The following HERC2 variants were observed in gnomAD, a reference collection of about 807,000 sequenced individuals.
The protein encoded by HERC2 is E3 ubiquitin-protein ligase HERC2.
HERC2 carries 102 observed loss-of-function variants against 537.7 expected under a neutral mutation model. That is an observed-to-expected ratio of 0.19 (90% CI 0.16 to 0.22). The LOEUF is 0.22. HERC2 is among the 10% of genes least tolerant of loss of function. HERC2 has a pLI of 1.00. For missense variants in HERC2, 4,236 were observed against 6,198.2 expected (o/e 0.68, Z 10.63); for synonymous variants, 2,224 against 2,466.2 (o/e 0.90, Z 2.91).
chr15:28,179,104 C>T lies in HERC2; in HGVS notation c.9019+38G>A, dbSNP rs777967269. The T allele has an allele frequency of 6.2e-6, 10 of 1,600,098 alleles. No individual in the cohort carries two copies. In the South Asian group the frequency reaches 1.0e-4, roughly 16 times the overall value. ...AACTTTTTTGTTTTTTGGTGCCAAG[C>T]ATAATTTAAAAATTTTTTAAGATTA... is the stretch of plus-strand genomic sequence containing the variant. On this transcript the variant is annotated intron_variant, in intron 58 of 92. Coordinates refer to ENST00000261609, the MANE Select transcript of HERC2 (RefSeq NM_004667.6).
At chr15:28,255,175 A>C (rs2075216519) in intron 19 of HERC2, among the ~76,000 whole-genome samples, 1 of 152,156 alleles carries the variant, frequency 6.6e-6, no homozygotes, top group African/African-American at 2.4e-5. Flanking sequence ...GTCTCTACAA[A>C]AAAATCACAA....
At chr15:28,263,788 T>C (rs2075478484) in intron 14 of HERC2, among the ~76,000 whole-genome samples, 1 of 151,830 alleles carries the variant, frequency 6.6e-6, no homozygotes. Flanking sequence ...TCCCAGAACT[T>C]TGGGAGGCCA....
At chr15:28,197,766 G>A (rs1897490561) in intron 50 of HERC2, among the ~76,000 whole-genome samples, 1 of 152,142 alleles carries the variant, frequency 6.6e-6, no homozygotes, top group Non-Finnish European at 1.5e-5. Context: ...TGACAGTCAG[G>A]AGCTGGCCTG....
chr15:28,149,124 T>C (rs369217187), intron 70 of HERC2, among the ~76,000 whole-genome samples: 1 of 123,512 alleles, frequency 8.1e-6, no homozygotes, highest in African/African-American at 3.1e-5. Flanking sequence ...AATCTAGTAA[T>C]ATTACCAAAA....
At chr15:28,150,147 G>A (rs1390133886) in intron 70 of HERC2, among the ~76,000 whole-genome samples, 6 of 145,432 alleles carry the variant, frequency 4.1e-5, no homozygotes, top group Admixed American at 1.4e-4. Flanking sequence ...GAGAATAGCC[G>A]CACAAATGCA....
chr15:28,178,964 G>A lies in HERC2; in HGVS notation c.9086C>T (p.Ser3029Phe). The A allele has an allele frequency of 6.2e-7, 1 of 1,614,194 alleles. No homozygotes were observed. The highest frequency in any genetic ancestry group is 1.1e-5 in the South Asian group (1 of 91,080). ...ATNGRLGLGISSGTVPIPRQI... is the reference protein window; with the variant it reads ...ATNGRLGLGIFSGTVPIPRQI... Reference sequence around the variant, plus strand: ...CCGTGGGATGGGCACCGTCCCGCTGGAAATGCCCAGCCCCAGCCGGCCATT... The same window carrying A: ...CCGTGGGATGGGCACCGTCCCGCTGAAAATGCCCAGCCCCAGCCGGCCATT... Residue 3029 changes from serine to phenylalanine, a missense_variant, in exon 59 of 93, where the codon TCC (serine) becomes TTC (phenylalanine). Transcript: ENST00000261609.
chr15:28,253,156 T>A (rs2075138062), intron 20 of HERC2, among the ~76,000 whole-genome samples: 1 of 148,990 alleles, frequency 6.7e-6, no homozygotes, highest in African/African-American at 2.6e-5. Flanking sequence ...TTCGCTCTTC[T>A]TGGGTGATCA....
chr15:28,263,277 AG>A, intron 14 of HERC2, 108 bp from the exon 15 acceptor site: 1 of 1,226,882 alleles, frequency 8.2e-7, no homozygotes, highest in Non-Finnish European at 1.1e-6. Flanking sequence ...TAGACCACTC[AG>A]GTACATAGTT....
At position 28,111,429 on chromosome 15, in the gene HERC2, C is replaced by A. The variant is rs953560559; in HGVS notation, c.*334G>T. ...GGAGAAAGAAAAAAAATCGATTGCA[C>A]CCACAAGTAAAAAGGCTTTATTCAT... On this transcript the variant is annotated 3_prime_UTR_variant, in exon 93 of 93. Transcript: ENST00000261609. The A allele has an allele frequency of 9.9e-6, 3 of 303,470 alleles. No homozygotes were observed. The highest frequency in any genetic ancestry group is 1.2e-4 in the East Asian group (2 of 17,336). The allele number at this position is 303,470 out of a possible 1,614,324, so 18.8% of individuals were successfully genotyped here. A position where few individuals can be genotyped will look rare whatever the true frequency, so the allele number is the denominator to read the frequency against.
rs1417037148 is a variant in HERC2, at chr15:28,176,128, G to T, written c.9686+300C>A. Reference sequence around the variant, plus strand: ...ATCAAAGGATTCAGAAGGCTATTTTGCTCCATTTTATCCTTAGGCTTCAGC... The same window carrying T: ...ATCAAAGGATTCAGAAGGCTATTTTTCTCCATTTTATCCTTAGGCTTCAGC... On this transcript the variant is annotated intron_variant, in intron 63 of 92. Coordinates refer to ENST00000261609, the MANE Select transcript of HERC2 (RefSeq NM_004667.6). The surrounding 1 kb of genome is among the most constrained non-coding windows in gnomAD (Gnocchi z 5.0). 6.6e-6 allele frequency among the ~76,000 whole-genome samples: 1 copy of T among 152,150 alleles called. No individual in the cohort carries two copies. The highest frequency in any genetic ancestry group is 1.5e-5 in the Non-Finnish European group (1 of 68,018).
At chr15:28,152,362 T>C (rs1196781268) in intron 70 of HERC2, among the ~76,000 whole-genome samples, 1 of 152,224 alleles carries the variant, frequency 6.6e-6, no homozygotes, top group Non-Finnish European at 1.5e-5. Context: ...CAGGACAGCA[T>C]CACTCAGAGG....
chr15:28,163,239 A>G lies in HERC2; in HGVS notation c.10601T>C (p.Leu3534Ser), dbSNP rs763687040. 1 of 1,613,946 alleles carries G rather than the reference A, an allele frequency of 6.2e-7. No individual in the cohort carries two copies. The highest frequency in any genetic ancestry group is 8.5e-7 in the Non-Finnish European group (1 of 1,180,018). Reference sequence around the variant, plus strand: ...AATCAGCAGACTGGTGAACTCATCCAAGGCCTGAGGCTCCGGACCTGCTGC... The same window carrying G: ...AATCAGCAGACTGGTGAACTCATCCGAGGCCTGAGGCTCCGGACCTGCTGC... ...NKAAGPEPQA[L>S]DEFTSLLIAD... Residue 3534 changes from leucine (L) to serine (S), a missense_variant, in exon 69 of 93, where the codon TTG (leucine) becomes TCG (serine). By Grantham distance (145) the Leu-to-Ser change is moderately radical. Around this residue, in one of 27 missense-constraint regions of HERC2, gnomAD observed 356 missense variants for 450.9 expected, o/e 0.79. Transcript: ENST00000261609.
Position 28,256,267 on chromosome 15 carries a change from A to C in HERC2, c.2568T>G (p.Gly856=). 1.3e-6 allele frequency: 2 copies of C among 1,597,890 alleles called. No homozygotes were observed. The highest frequency in any genetic ancestry group is 1.7e-6 in the Non-Finnish European group (2 of 1,179,786). Residue 856 remains glycine (G), a synonymous_variant, in exon 18 of 93, where the codon GGT becomes GGG. Coordinates refer to ENST00000261609, the MANE Select transcript of HERC2 (RefSeq NM_004667.6). ...HQVDPEFLGL[G]LGSILLNSLK... is the part of the protein sequence containing the mutation. ...GGCTGTTCAGGAGGATGCTGCCCAGACCTAAACCAAGGAATTCCGGGTCAA... is the reference window on the plus strand; with the variant it reads ...GGCTGTTCAGGAGGATGCTGCCCAGCCCTAAACCAAGGAATTCCGGGTCAA...
At chr15:28,320,999 AT>A (rs1439372238) in intron 2 of HERC2, among the ~76,000 whole-genome samples, 7 of 151,696 alleles carry the variant, frequency 4.6e-5, no homozygotes, top group African/African-American at 1.7e-4. Flanking sequence ...TACTTCTCCA[AT>A]TTTCCCCTCC....
intron 4 of HERC2, among the ~76,000 whole-genome samples, chr15:28,286,308 A>C (rs34423020): frequency 0.019 from 2,953 of 152,264 alleles, 94 homozygotes; most frequent in African/African-American, 0.067. Context: ...TAGGTACTGT[A>C]CCTAAAGACA....
Position 28,269,360 on chromosome 15 carries a change from C to T in HERC2, c.1334G>A (p.Cys445Tyr). Residue 445 changes from cysteine (C) to tyrosine (Y), a missense_variant, in exon 11 of 93, where the codon TGC (cysteine) becomes TAC (tyrosine). Physicochemically the swap from Cys to Tyr is radical, Grantham distance 194 (BLOSUM62 -2). This residue lies in a region of HERC2 where 491 missense variants were observed against 559.3 expected (regional missense o/e 0.88). Transcript: ENST00000261609. ...YYANVIGPIQ[C>Y]EGLANLGVTQ... is the part of the protein sequence containing the mutation. ...GACTCCCAGGTTGGCCAGGCCTTCG[C>T]ACTGGATTGGACCAATCACATTGGC... 6.2e-7 allele frequency: 1 copy of T among 1,614,188 alleles called. No individual in the cohort carries two copies. The highest frequency in any genetic ancestry group is 8.5e-7 in the Non-Finnish European group (1 of 1,180,020).
intron 20 of HERC2, among the ~76,000 whole-genome samples, chr15:28,251,607 C>A (rs2075085531): frequency 1.3e-5 from 2 of 152,166 alleles, no homozygotes; most frequent in South Asian, 2.1e-4. Flanking sequence ...TCGAGACCAG[C>A]CTGGCCAACA....
intron 78 of HERC2, among the ~76,000 whole-genome samples, 192 bp downstream of exon 78, chr15:28,141,240 C>CT (rs377739906): frequency 3.6e-3 from 531 of 145,504 alleles, no homozygotes; most frequent in African/African-American, 8.6e-3. Context: ...CTGTCTTAAA[C>CT]TTTTTTTTTT....
chr15:28,307,431 T>C (rs1348256386), intron 2 of HERC2, among the ~76,000 whole-genome samples: 1 of 152,228 alleles, frequency 6.6e-6, no homozygotes, highest in African/African-American at 2.4e-5. Flanking sequence ...AGCTCCTTCT[T>C]TTCTAGTTCT....
Sources: gnomAD v4.1 joint callset for allele counts (sites outside exome capture counted in the v4.1 genomes callset) on GRCh38, gnomAD v4.1.1 for gene constraint, gnomAD v4.1.1 regional missense constraint, Gnocchi (gnomAD v3.1) non-coding constraint, MANE v1.5 for transcripts, NCBI Gene and HGNC (gene_info 2026-07-23, HGNC 2026-07-21) for gene names.